Variants in C5 observed in about 807,000 individuals in gnomAD.
C5 encodes the protein complement C5.
A neutral mutation model predicts 218.8 loss-of-function variants in C5; 140 were observed. That is an observed-to-expected ratio of 0.64 (90% CI 0.56 to 0.74). The LOEUF (loss-of-function observed/expected upper bound fraction) is 0.74, where lower values mean the gene tolerates loss of function less well. C5 is among the 30% of genes least tolerant of loss of function. The pLI, the probability that C5 is intolerant of heterozygous loss-of-function variation, is 0.00. For synonymous variants in C5, 614 were observed against 682.3 expected (o/e 0.90, Z 1.56); for missense variants, 1,700 against 1,969.6 (o/e 0.86, Z 2.59).
At chr9:121,034,342 A>C (rs1251662900) in intron 5 of C5, among the ~76,000 whole-genome samples, 1 of 152,150 alleles carries the variant, frequency 6.6e-6, no homozygotes, top group Non-Finnish European at 1.5e-5. Context: ...CCCTGTTTAA[A>C]CTTTTTCTTA....
Position 120,957,306 on chromosome 9 carries a change from G to C in C5, c.4741C>G (p.Leu1581Val). Residue 1581 changes from leucine to valine, a missense_variant, in exon 39 of 41, where the codon CTT (leucine) becomes GTT (valine). Leu to Val is a conservative substitution (Grantham distance 32, BLOSUM62 1). Coordinates refer to ENST00000223642, the MANE Select transcript of C5 (RefSeq NM_001735.3). ...TCACCAGTTTTGTAGATATCCAGAA[G>C]GGTTGCCTTGTACTTGACAAAAACA... ...ENVFVKYKAT[L>V]LDIYKTGEAV... 3 of 1,611,510 alleles carry C rather than the reference G, an allele frequency of 1.9e-6. No individual in the cohort carries two copies. Among genetic ancestry groups the C allele is most frequent in the Non-Finnish European group, 2.5e-6 (3 of 1,177,938 alleles).
At position 120,971,911 on chromosome 9, in the gene C5, A is replaced by T; in HGVS notation, c.4080+19T>A. ...AAATGGACACATAACTCGTTATTGG[A>T]TATCAATTAAATACTTACATGTACT... On this transcript the variant is annotated intron_variant, in intron 31 of 40. Coordinates refer to ENST00000223642, the MANE Select transcript of C5 (RefSeq NM_001735.3). 1 of 1,575,764 alleles carries T rather than the reference A, an allele frequency of 6.3e-7. No homozygotes were observed. The highest frequency in any genetic ancestry group is 8.7e-7 in the Non-Finnish European group (1 of 1,145,310).
intron 39 of C5, among the ~76,000 whole-genome samples, chr9:120,956,030 T>C (rs193099636): frequency 1.3e-5 from 2 of 152,068 alleles, no homozygotes; most frequent in Non-Finnish European, 2.9e-5. Context: ...GCACGGTGGC[T>C]CACACACGTA....
intron 39 of C5, among the ~76,000 whole-genome samples, chr9:120,956,592 A>G (rs1239343049): frequency 6.6e-6 from 1 of 152,244 alleles, no homozygotes; most frequent in Non-Finnish European, 1.5e-5. Flanking sequence ...AAGAACTTGA[A>G]TAGCCAAAGG....
At chr9:120,965,335 C>T (rs1266387272) in intron 33 of C5, among the ~76,000 whole-genome samples, 1 of 152,002 alleles carries the variant, frequency 6.6e-6, no homozygotes, top group African/African-American at 2.4e-5. Flanking sequence ...GCCTGGCCAA[C>T]ATGGTGAAAC....
chr9:121,002,298 GTATATATATATGTGTGTGTATATATATA>G (rs2047175976), intron 20 of C5, among the ~76,000 whole-genome samples: 5 of 100,100 alleles, frequency 5.0e-5, no homozygotes, highest in African/African-American at 1.8e-4. Context: ...ATGTATATAT[GTATATATATATGTGTGTGTATATATATA>G]TATATATATA....
intron 7 of C5, among the ~76,000 whole-genome samples, chr9:121,029,044 G>A (rs540967735): frequency 2.0e-5 from 3 of 152,056 alleles, no homozygotes; most frequent in African/African-American, 4.8e-5. Context: ...TAAAAGGTAC[G>A]TGTCCAATCT....
At chr9:121,042,729 T>A (rs1229393212) in intron 3 of C5, among the ~76,000 whole-genome samples, 1 of 152,230 alleles carries the variant, frequency 6.6e-6, no homozygotes, top group Admixed American at 6.5e-5. Context: ...TTCAACATTT[T>A]ACAATTTTGA....
At chr9:121,036,990 T>G (rs2047531783) in intron 4 of C5, among the ~76,000 whole-genome samples, 1 of 152,124 alleles carries the variant, frequency 6.6e-6, no homozygotes, top group Non-Finnish European at 1.5e-5. Context: ...ATTATTTTAT[T>G]TCCTCACAAA....
Position 120,963,729 on chromosome 9 carries a change from G to A in C5, c.4230C>T (p.Pro1410=). ...ATCCAGATGATGATTCTTCCCTGCT[G>A]GGCTTGTAGCTAAAATAAAAAAGAG... The part of the protein sequence containing the change: ...KRIVACASYK[P]SREESSSGSS... Residue 1410 remains proline (P), a synonymous_variant, in exon 34 of 41, where the codon CCC becomes CCT. Coordinates refer to ENST00000223642, the MANE Select transcript of C5 (RefSeq NM_001735.3). 3 of 1,611,706 alleles carry A rather than the reference G, an allele frequency of 1.9e-6. No individual in the cohort carries two copies. Among genetic ancestry groups the A allele is most frequent in the Non-Finnish European group, 2.5e-6 (3 of 1,177,998 alleles).
chr9:120,976,740 G>A lies in C5; in HGVS notation c.3824C>T (p.Ser1275Leu). The A allele has an allele frequency of 6.2e-7, 1 of 1,614,140 alleles. No individual in the cohort carries two copies. Among genetic ancestry groups the A allele is most frequent in the Non-Finnish European group, 8.5e-7 (1 of 1,180,012 alleles). ...NYVNPVIKWL[S>L]EEQRYGGGFY... ...GCCACCTCCATACCTCTGCTCTTCT[G>A]ATAGCCATTTGATGACTGGGTTAAC... Residue 1275 changes from serine (S) to leucine (L), a missense_variant, in exon 29 of 41, where the codon TCA (serine) becomes TTA (leucine). Transcript: ENST00000223642.
chr9:121,027,304 C>G lies in C5; in HGVS notation c.759-30G>C, dbSNP rs368971130. 14 of 1,020,390 alleles carry G rather than the reference C, an allele frequency of 1.4e-5. No homozygotes were observed. The African/African-American group carries it at 1.7e-4, about 13-fold the overall frequency. The allele number at this position is 1,020,390 out of a possible 1,614,324, so 63.2% of individuals were successfully genotyped here. A position where few individuals can be genotyped will look rare whatever the true frequency, so the allele number is the denominator to read the frequency against. On this transcript the variant is annotated intron_variant, in intron 7 of 40. Transcript: ENST00000223642. ...CAGACAATAGCATAAAACTGTTTTA[C>G]TAACATGGTTACAATAACAGGATTC...
chr9:121,066,125 C>A, the C5 span, among the ~76,000 whole-genome samples: 1 of 151,626 alleles, frequency 6.6e-6, no homozygotes, highest in African/African-American at 2.4e-5. Flanking sequence ...CCAGCCTGGC[C>A]AATATGGCGA....
At chr9:121,002,272 G>A (rs10985121) in intron 20 of C5, among the ~76,000 whole-genome samples, 1,317 of 103,820 alleles carry the variant, frequency 0.013, 55 homozygotes, top group East Asian at 0.024. Context: ...GTATATATAT[G>A]TATATATACG....
intron 20 of C5, among the ~76,000 whole-genome samples, chr9:121,005,058 C>T (rs1174959416): frequency 6.6e-6 from 1 of 151,640 alleles, no homozygotes; most frequent in Non-Finnish European, 1.5e-5. Context: ...TAGGAAACCA[C>T]TGAAATTCTA....
chr9:120,956,216 C>A (rs2046783608), intron 39 of C5, among the ~76,000 whole-genome samples: 1 of 152,100 alleles, frequency 6.6e-6, no homozygotes, highest in Non-Finnish European at 1.5e-5. Context: ...ATCACTTGAA[C>A]CTGGGAAACA....
At chr9:121,020,223 T>C (rs763001295) in intron 11 of C5, 44 bp from the exon 12 acceptor site, 1 of 1,313,846 alleles carries the variant, frequency 7.6e-7, no homozygotes, top group East Asian at 2.3e-5. Context: ...TGTGATGTAA[T>C]GCTTTCTGTA....
chr9:121,010,188 T>G (rs1256180285), intron 17 of C5, among the ~76,000 whole-genome samples: 1 of 152,166 alleles, frequency 6.6e-6, no homozygotes, highest in Non-Finnish European at 1.5e-5. Flanking sequence ...AAGCAAGAAG[T>G]CAAGTTATCC....
At chr9:121,002,348 A>T (rs574952201) in intron 20 of C5, among the ~76,000 whole-genome samples, 1 of 138,968 alleles carries the variant, frequency 7.2e-6, no homozygotes, top group Non-Finnish European at 1.6e-5. Context: ...ATATACACAC[A>T]TACCTACACA....
Sources: allele counts gnomAD v4.1 joint callset (sites outside exome capture counted in the v4.1 genomes callset), GRCh38; gene constraint gnomAD v4.1.1; transcripts MANE v1.5; gene names NCBI Gene and HGNC (gene_info 2026-07-23, HGNC 2026-07-21).